The following NDUFA10 variants were observed in gnomAD, a reference collection of about 807,000 sequenced individuals.
NDUFA10 encodes NADH:ubiquinone oxidoreductase subunit A10, also known as NADH dehydrogenase [ubiquinone] 1 alpha subcomplex subunit 10, mitochondrial.
Under a neutral mutation model 47.8 loss-of-function variants are expected in NDUFA10, and 40 were observed. The observed-to-expected ratio is 0.84, with a 90% confidence interval of 0.65 to 1.09. NDUFA10 has a LOEUF of 1.09. Ranked by LOEUF, NDUFA10 falls within the 50% of genes least tolerant of loss-of-function variation. NDUFA10 has a pLI of 0.00. For synonymous variants in NDUFA10, 183 were observed against 172.2 expected (o/e 1.06, Z -0.49); for missense variants, 413 against 451.1 (o/e 0.92, Z 0.76).
At chr2:239,916,639 G>A (rs1693884221) in intron 4 of NDUFA10, among the ~76,000 whole-genome samples, 1 of 152,278 alleles carries the variant, frequency 6.6e-6, no homozygotes, top group Non-Finnish European at 1.5e-5. Flanking sequence ...CCATTCCAGA[G>A]GCTGAGAAGT....
At chr2:239,965,457 G>T (rs986299970) in intron 9 of NDUFA10, among the ~76,000 whole-genome samples, 2 of 152,284 alleles carry the variant, frequency 1.3e-5, no homozygotes, top group Non-Finnish European at 2.9e-5. Context: ...GAGAAAACGC[G>T]CATGATAACG....
In NDUFA10 at chr2:239,958,944, T is replaced by C; in HGVS notation, c.*2174A>G. ...TATTTTGATCCTGGTTTGTTGGTGC[T>C]GTTGTTTTAGTTGTAAGAGCTTTCG... On this transcript the variant is annotated 3_prime_UTR_variant, in exon 10 of 10. Coordinates refer to ENST00000252711, the MANE Select transcript of NDUFA10 (RefSeq NM_004544.4). 1 of 985,472 alleles carries C rather than the reference T, an allele frequency of 1.0e-6. No individual in the cohort carries two copies. Among genetic ancestry groups the C allele is most frequent in the Non-Finnish European group, 1.2e-6 (1 of 829,946 alleles). 61.0% of individuals were successfully genotyped at this position (985,472 alleles called of 1,614,324 possible). A position where few individuals can be genotyped will look rare whatever the true frequency, so the allele number is the denominator to read the frequency against.
chr2:240,011,467 C>T (rs573413371), intron 6 of NDUFA10, 150 bp downstream of exon 6: 18 of 692,050 alleles, frequency 2.6e-5, no homozygotes, highest in Non-Finnish European at 4.7e-5. Context: ...GAAATGTCTC[C>T]TGTTTTTCTT....
At chr2:239,947,611 G>A (rs921986208) in intron 4 of NDUFA10, among the ~76,000 whole-genome samples, 5 of 152,142 alleles carry the variant, frequency 3.3e-5, no homozygotes, top group Admixed American at 2.0e-4. Flanking sequence ...CCTCCCCGCC[G>A]AGCCCCAGGC....
intron 8 of NDUFA10, among the ~76,000 whole-genome samples, chr2:239,999,207 C>A (rs1696606136): frequency 6.6e-6 from 1 of 152,232 alleles, no homozygotes; most frequent in African/African-American, 2.4e-5. Flanking sequence ...CATCACCGCA[C>A]AATGACATGG....
At position 240,005,257 on chromosome 2, in the gene NDUFA10, C is replaced by G; in HGVS notation, c.843G>C (p.Gly281=). 1 of 1,614,110 alleles carries G rather than the reference C, an allele frequency of 6.2e-7. No homozygotes were observed. The highest frequency in any genetic ancestry group is 8.5e-7 in the Non-Finnish European group (1 of 1,179,986). ...EDIEYLKFDK[G]PWLKQDNRTL... ...TGCGATTGTCCTGCTTGAGCCACGG[C>G]CCTTTATCGAACTTCAGGTATTCAA... The change falls in exon 8 of 10, where the codon GGG becomes GGC. Residue 281 remains glycine (G), a synonymous_variant. Coordinates refer to ENST00000252711, the MANE Select transcript of NDUFA10 (RefSeq NM_004544.4).
At chr2:239,929,074 T>C (rs1279443055) in intron 4 of NDUFA10, among the ~76,000 whole-genome samples, 1 of 152,118 alleles carries the variant, frequency 6.6e-6, no homozygotes, top group Admixed American at 6.5e-5. Context: ...TTCCCACTGC[T>C]CTTTAAAAAT....
chr2:239,957,734 A>C lies in NDUFA10; in HGVS notation c.*3384T>G, dbSNP rs2106388820. On this transcript the variant is annotated 3_prime_UTR_variant, in exon 10 of 10. Transcript: ENST00000252711. ...CATTTATGGCTCTGAGAACAGCACCACTCTTTTGGGGACAAGTCCATCACT... is the reference window on the plus strand; with the variant it reads ...CATTTATGGCTCTGAGAACAGCACCCCTCTTTTGGGGACAAGTCCATCACT... 1 of 151,786 alleles carries C rather than the reference A, an allele frequency of 6.6e-6. No individual in the cohort carries two copies. Among genetic ancestry groups the C allele is most frequent in the East Asian group, 1.9e-4 (1 of 5,150 alleles). 9.4% of individuals were successfully genotyped at this position (151,786 alleles called of 1,614,324 possible).
At chr2:239,899,010 T>C (rs111768116) in intron 4 of NDUFA10, among the ~76,000 whole-genome samples, 20 of 101,088 alleles carry the variant, frequency 2.0e-4, no homozygotes, top group African/African-American at 6.6e-4. Flanking sequence ...AGAGGTGTGA[T>C]GGAGGGGAGT....
chr2:239,956,918 G>A (rs1559312957), downstream of NDUFA10, among the ~76,000 whole-genome samples: 2 of 152,044 alleles, frequency 1.3e-5, no homozygotes, highest in Non-Finnish European at 2.9e-5. Context: ...AAGTCATGTC[G>A]ACAGTCACTG....
At chr2:239,963,021 T>C (rs914048556) in intron 9 of NDUFA10, among the ~76,000 whole-genome samples, 1 of 151,890 alleles carries the variant, frequency 6.6e-6, no homozygotes, top group Admixed American at 6.6e-5. Flanking sequence ...GGGACAGACA[T>C]CCTAACTACA....
intron 5 of NDUFA10, among the ~76,000 whole-genome samples, chr2:239,893,037 C>G (rs1394447324): frequency 6.6e-6 from 1 of 152,162 alleles, no homozygotes; most frequent in Non-Finnish European, 1.5e-5. Flanking sequence ...CCGGGACCCT[C>G]ACTGGGGGTT....
chr2:239,940,707 T>G (rs988177664), intron 4 of NDUFA10, among the ~76,000 whole-genome samples: 5 of 152,176 alleles, frequency 3.3e-5, no homozygotes, highest in African/African-American at 1.2e-4. Context: ...CAAAACAGAA[T>G]CCAAAGAATA....
At chr2:239,914,288 GAC>G (rs1023164391) in intron 4 of NDUFA10, among the ~76,000 whole-genome samples, 7 of 143,888 alleles carry the variant, frequency 4.9e-5, no homozygotes, top group Admixed American at 4.8e-4. Flanking sequence ...CACAAATATA[GAC>G]ACACAGAGAT....
chr2:239,938,365 C>T (rs1480619270), intron 4 of NDUFA10, among the ~76,000 whole-genome samples: 1 of 152,252 alleles, frequency 6.6e-6, no homozygotes, highest in African/African-American at 2.4e-5. Context: ...ACAGACCTCA[C>T]CTGCACTGAG....
rs576605890 is a variant in NDUFA10, at chr2:239,923,157, G to C, written c.295-27843C>G. ...AAATACATAGCCACTGAGCAACACA[G>C]CTTCATAATACATAACACAAAAACT... is the stretch of plus-strand genomic sequence containing the variant. On this transcript the variant is annotated intron_variant, in intron 4 of 5. Transcript: ENST00000419408. Among the ~76,000 whole-genome samples, 38 of 152,270 alleles carry C rather than the reference G, an allele frequency of 2.5e-4. No individual in the cohort carries two copies. In the South Asian group the frequency reaches 7.9e-3, roughly 32 times the overall value.
chr2:239,951,516 G>A (rs760131243), intron 4 of NDUFA10, among the ~76,000 whole-genome samples: 3 of 152,152 alleles, frequency 2.0e-5, no homozygotes, highest in Non-Finnish European at 2.9e-5. Context: ...AGGGATGCCT[G>A]GTCAGGGTCC....
chr2:239,956,718 G>T (rs1574805890), downstream of NDUFA10, among the ~76,000 whole-genome samples: 1 of 152,338 alleles, frequency 6.6e-6, no homozygotes. Flanking sequence ...ACAAGCAGGG[G>T]AGAGTGTGGA....
intron 9 of NDUFA10, among the ~76,000 whole-genome samples, chr2:239,975,550 A>C (rs993983173): frequency 5.9e-5 from 9 of 152,232 alleles, no homozygotes; most frequent in African/African-American, 2.2e-4. Flanking sequence ...GCTCATTTGC[A>C]AATGGGAATA....
Sources: gnomAD v4.1 joint callset for allele counts (sites outside exome capture counted in the v4.1 genomes callset) on GRCh38, gnomAD v4.1.1 for gene constraint, MANE v1.5 for transcripts, NCBI Gene and HGNC (gene_info 2026-07-23, HGNC 2026-07-21) for gene names.